NBAS: variants seen among roughly 807,000 people sequenced by gnomAD.
NBAS encodes the protein NBAS subunit of NRZ tethering complex.
In NBAS, 219 loss-of-function variants were observed where a neutral mutation model predicts 302.5. The ratio of observed to expected loss-of-function variants is 0.72; its 90% CI spans 0.65 to 0.81. NBAS has a LOEUF of 0.81. NBAS is among the 30% of genes least tolerant of loss of function. The pLI is 0.00. For missense variants in NBAS, 2,932 were observed against 2,841.6 expected (o/e 1.03, Z -0.72); for synonymous variants, 1,118 against 1,021.6 (o/e 1.09, Z -1.80).
Position 15,186,874 on chromosome 2 carries a change from G to A in NBAS, c.6579C>T (p.Thr2193=), listed in dbSNP as rs1006731314. ...WPPMKSEYVI[T]NNPWVRLATV... ...TAGCTAGTCTCACCCATGGATTATT[G>A]GTTATGCTGGTGTTTATGGAGAAAA... Residue 2193 remains threonine (T), a synonymous_variant, in exon 50 of 52, where the codon ACC becomes ACT. Coordinates refer to ENST00000281513, the MANE Select transcript of NBAS (RefSeq NM_015909.4). The A allele has an allele frequency of 6.2e-7, 1 of 1,613,844 alleles. No homozygotes were observed.
the NBAS span, among the ~76,000 whole-genome samples, chr2:15,051,415 G>A: frequency 6.6e-6 from 1 of 152,214 alleles, no homozygotes; most frequent in Admixed American, 6.5e-5. Context: ...GCAGGTGGCT[G>A]ACAGAAGCAC....
chr2:14,850,772 A>C, the NBAS span, among the ~76,000 whole-genome samples: 2 of 74,106 alleles, frequency 2.7e-5, no homozygotes, highest in Non-Finnish European at 4.5e-5. Context: ...AGGATTAAGA[A>C]TCTCACTCAA....
intron 44 of NBAS, among the ~76,000 whole-genome samples, chr2:15,251,631 T>A: frequency 6.6e-6 from 1 of 152,180 alleles, no homozygotes; most frequent in East Asian, 1.9e-4. Flanking sequence ...CTCCCCTTTT[T>A]AGATCATATA....
At position 15,383,556 on chromosome 2, in the gene NBAS, T is replaced by C. The variant is rs10168063; in HGVS notation, c.3258-239A>G. ...TGCTAGAGATGGTGACAAAGTGGTC[T>C]GTCATAGCCTGAGCAGACACAGGCT... On this transcript the variant is annotated intron_variant, in intron 28 of 51. Coordinates refer to ENST00000281513, the MANE Select transcript of NBAS (RefSeq NM_015909.4). Among the ~76,000 whole-genome samples, 208 of 152,286 alleles carry C rather than the reference T, an allele frequency of 1.4e-3. 1 individual carries two copies. The highest frequency in any genetic ancestry group is 4.8e-3 in the African/African-American group (198 of 41,580).
At chr2:15,326,292 T>C (rs1672060269) in intron 38 of NBAS, among the ~76,000 whole-genome samples, 1 of 152,232 alleles carries the variant, frequency 6.6e-6, no homozygotes, top group Admixed American at 6.5e-5. Flanking sequence ...TATAAAGCAC[T>C]GTATCTGCAA....
At chr2:15,322,180 T>G (rs940051079) in intron 38 of NBAS, among the ~76,000 whole-genome samples, 1 of 147,908 alleles carries the variant, frequency 6.8e-6, no homozygotes, top group Non-Finnish European at 1.5e-5. Context: ...TAGGTGGGAA[T>G]TGAACAATGA....
At chr2:15,250,565 C>T (rs565867224) in intron 44 of NBAS, among the ~76,000 whole-genome samples, 12 of 152,300 alleles carry the variant, frequency 7.9e-5, no homozygotes, top group Admixed American at 7.2e-4. Context: ...ATCTATCCAT[C>T]TGACACAGGG....
the NBAS span, among the ~76,000 whole-genome samples, chr2:14,848,154 C>G: frequency 5.9e-5 from 9 of 152,018 alleles, no homozygotes; most frequent in Admixed American, 2.0e-4. Context: ...TTCTGCATTT[C>G]CATCTGAGGT....
the NBAS span, among the ~76,000 whole-genome samples, chr2:14,922,183 G>A: frequency 2.0e-5 from 3 of 152,238 alleles, no homozygotes; most frequent in African/African-American, 7.2e-5. Context: ...GGTGGAGAGA[G>A]TCCAGGCAGG....
chr2:14,896,480 C>G, the NBAS span, among the ~76,000 whole-genome samples: 3 of 152,164 alleles, frequency 2.0e-5, no homozygotes. Context: ...CTTCCTTCCT[C>G]CGTGTTATGG....
At chr2:15,223,618 C>G (rs1420790282) in intron 47 of NBAS, among the ~76,000 whole-genome samples, 3 of 152,014 alleles carry the variant, frequency 2.0e-5, no homozygotes, top group Non-Finnish European at 2.9e-5. Flanking sequence ...AACACAAGGT[C>G]TGGAGATCGA....
chr2:15,305,449 G>GCTTTTTTTTTTTTTTTTTTTTTTT (rs766552962), intron 40 of NBAS, among the ~76,000 whole-genome samples: 1 of 123,804 alleles, frequency 8.1e-6, no homozygotes. Flanking sequence ...GTCTCGAGCA[G>GCTTTTTTTTTTTTTTTTTTTTTTT]TTTTTTTTTT....
chr2:15,321,117 C>A (rs995445614), intron 38 of NBAS, among the ~76,000 whole-genome samples: 2 of 152,174 alleles, frequency 1.3e-5, no homozygotes, highest in Non-Finnish European at 2.9e-5. Context: ...TAATCTTTGA[C>A]AAACCTGACA....
the NBAS span, among the ~76,000 whole-genome samples, chr2:15,036,338 G>A: frequency 6.6e-6 from 1 of 152,148 alleles, no homozygotes; most frequent in Non-Finnish European, 1.5e-5. Context: ...GCTAGAAGGT[G>A]TACTAGACAT....
intron 47 of NBAS, among the ~76,000 whole-genome samples, chr2:15,227,995 C>T (rs766537398): frequency 2.2e-4 from 34 of 152,174 alleles, no homozygotes; most frequent in Admixed American, 4.6e-4. Flanking sequence ...GATGGAATTA[C>T]ATCAAACTAA....
rs769699437 is a variant in NBAS at position 15,287,159 on chromosome 2, G to A, written c.5052C>T (p.Ser1684=). The change falls in exon 42 of 52, where the codon AGC becomes AGT. Residue 1684 remains serine (S), a synonymous_variant. Coordinates refer to ENST00000281513, the MANE Select transcript of NBAS (RefSeq NM_015909.4). ...LAETLEESVY[S]IAISLAQRYS... ...AACGTTGTGCCAGAGAAATAGCAAT[G>A]CTGTAGACGCTTTCCTCTAGAGTTC... is the stretch of plus-strand genomic sequence containing the variant. 7 of 1,613,956 alleles carry A rather than the reference G, an allele frequency of 4.3e-6. No individual in the cohort carries two copies. In the East Asian group the frequency reaches 8.9e-5, roughly 21 times the overall value.
chr2:15,456,452 T>C (rs906574291), intron 21 of NBAS, among the ~76,000 whole-genome samples: 17 of 152,236 alleles, frequency 1.1e-4, no homozygotes, highest in Admixed American at 1.1e-3. Flanking sequence ...TTGTGGTTCC[T>C]AAGTCACTCA....
intron 32 of NBAS, among the ~76,000 whole-genome samples, chr2:15,365,028 T>C (rs1674131430): frequency 6.6e-6 from 1 of 152,170 alleles, no homozygotes; most frequent in South Asian, 2.1e-4. Flanking sequence ...CTTCGAGTCT[T>C]CTATTATTTG....
the NBAS span, among the ~76,000 whole-genome samples, chr2:14,812,313 A>G: frequency 1.3e-5 from 2 of 152,332 alleles, no homozygotes; most frequent in East Asian, 3.9e-4. Flanking sequence ...CTACTAGTCA[A>G]AGCTAATCCC....
Sources: allele counts gnomAD v4.1 joint callset (sites outside exome capture counted in the v4.1 genomes callset), GRCh38; gene constraint gnomAD v4.1.1; transcripts MANE v1.5; gene names NCBI Gene and HGNC (gene_info 2026-07-23, HGNC 2026-07-21).